ZNF316: variants seen among roughly 807,000 people sequenced by gnomAD.
ZNF316 encodes the protein zinc finger protein 316.
A neutral mutation model predicts 75.6 loss-of-function variants in ZNF316; 23 were observed. That is an observed-to-expected ratio of 0.30 (90% CI 0.22 to 0.43). The LOEUF (loss-of-function observed/expected upper bound fraction) is 0.43, where lower values mean the gene tolerates loss of function less well. Among genes scored for constraint, ZNF316 ranks in the 20% least tolerant of loss-of-function variants. ZNF316 has a pLI of 1.00. For synonymous variants in ZNF316, 827 were observed against 666.2 expected (o/e 1.24, Z -3.72); for missense variants, 1,266 against 1,409.4 (o/e 0.90, Z 1.63).
At chr7:6,644,746 A>G (rs1327535584) in intron 8 of ZNF316, among the ~76,000 whole-genome samples, 153 bp downstream of exon 8, 2 of 152,210 alleles carry the variant, frequency 1.3e-5, no homozygotes, top group African/African-American at 2.4e-5. Flanking sequence ...TTCAAGTTCC[A>G]GAAAGGTCCG....
In ZNF316 at chr7:6,652,982, C is replaced by G; in HGVS notation, c.1386C>G (p.Cys462Trp). 8.1e-7 allele frequency: 1 copy of G among 1,234,102 alleles called. No individual in the cohort carries two copies. Among genetic ancestry groups the G allele is most frequent in the Non-Finnish European group, 1.0e-6 (1 of 987,852 alleles). 76.4% of individuals were successfully genotyped at this position (1,234,102 alleles called of 1,614,324 possible). A position where few individuals can be genotyped will look rare whatever the true frequency, so the allele number is the denominator to read the frequency against. The change falls in exon 9 of 9, where the codon TGC becomes TGG. Residue 462 changes from cysteine (C) to tryptophan (W), a missense_variant. By Grantham distance (215) the Cys-to-Trp change is radical (BLOSUM62 -2). Coordinates refer to ENST00000382252, the MANE Select transcript of ZNF316 (RefSeq NM_001278559.2). Reference sequence around the variant, plus strand: ...AGCGACCCTACCCGTGTTCGCACTGCGGCCGCAGCTTCAGCCAGAGCTCGG... The same window carrying G: ...AGCGACCCTACCCGTGTTCGCACTGGGGCCGCAGCTTCAGCCAGAGCTCGG... ...TGERPYPCSH[C>W]GRSFSQSSAL...
intron 8 of ZNF316, among the ~76,000 whole-genome samples, chr7:6,649,296 C>T (rs1385644500): frequency 2.6e-5 from 4 of 152,290 alleles, no homozygotes; most frequent in East Asian, 3.9e-4. Context: ...CCCAGGGTCT[C>T]CTCTCCTCTG....
In ZNF316 at chr7:6,642,715, G is replaced by A; in HGVS notation, c.306G>A (p.Glu102=). 4.1e-6 allele frequency: 5 copies of A among 1,234,198 alleles called. No homozygotes were observed. Among genetic ancestry groups the A allele is most frequent in the Non-Finnish European group, 5.1e-6 (5 of 989,280 alleles). 76.5% of individuals were successfully genotyped at this position (1,234,198 alleles called of 1,614,324 possible). A position where few individuals can be genotyped will look rare whatever the true frequency, so the allele number is the denominator to read the frequency against. ...AGTGTCCGGCGTTGGGGACCCAGGA[G>A]CGACTTAGCCGTGGTGGTGATGCCA... ...EEECPALGTQ[E]RLSRGGDAKS... is the part of the protein sequence containing the mutation. The change falls in exon 5 of 9, where the codon GAG becomes GAA. Residue 102 remains glutamate, a synonymous_variant. Coordinates refer to ENST00000382252, the MANE Select transcript of ZNF316 (RefSeq NM_001278559.2). The surrounding 1 kb of genome is among the most constrained non-coding windows in gnomAD (Gnocchi z 8.1).
At chr7:6,638,245 G>A (rs1229922823) in intron 2 of ZNF316, among the ~76,000 whole-genome samples, 2 of 151,398 alleles carry the variant, frequency 1.3e-5, no homozygotes, top group African/African-American at 2.4e-5. Context: ...GCTACCCTGG[G>A]GAACCTGAGA....
intron 8 of ZNF316, among the ~76,000 whole-genome samples, chr7:6,651,377 G>A (rs185066639): frequency 1.3e-5 from 2 of 151,784 alleles, no homozygotes; most frequent in Admixed American, 1.3e-4. Flanking sequence ...AAAAAAGGCT[G>A]GGCGCGGTGG....
intron 8 of ZNF316, among the ~76,000 whole-genome samples, chr7:6,651,740 G>T (rs887217176): frequency 1.3e-5 from 2 of 152,224 alleles, no homozygotes; most frequent in African/African-American, 4.8e-5. Context: ...TCCAGCCTGG[G>T]TGACAGAGTG....
chr7:6,654,615 G>T lies in ZNF316; in HGVS notation c.*4G>T. 8.4e-7 allele frequency: 1 copy of T among 1,185,246 alleles called. No homozygotes were observed. The highest frequency in any genetic ancestry group is 1.0e-6 in the Non-Finnish European group (1 of 957,910). 73.4% of individuals were successfully genotyped at this position (1,185,246 alleles called of 1,614,324 possible). On this transcript the variant is annotated 3_prime_UTR_variant, in exon 9 of 9. Coordinates refer to ENST00000382252, the MANE Select transcript of ZNF316 (RefSeq NM_001278559.2). ...CTACCGGGAGGGCGTCCTGTGAGGG[G>T]CCCGGGGCCGACAGCAGCGCAGCCT...
chr7:6,653,564 C>G lies in ZNF316; in HGVS notation c.1968C>G (p.Gly656=). 2 of 1,133,794 alleles carry G rather than the reference C, an allele frequency of 1.8e-6. No homozygotes were observed. The highest frequency in any genetic ancestry group is 8.5e-5 in the South Asian group (2 of 23,450). 70.2% of individuals were successfully genotyped at this position (1,133,794 alleles called of 1,614,324 possible). ...TGLACDPFGG[G]GAAGGGGGLR... ...TGGCGTGCGACCCTTTCGGCGGCGG[C>G]GGGGCCGCGGGCGGCGGAGGCGGCC... The change falls in exon 9 of 9, where the codon GGC becomes GGG. Residue 656 remains glycine (G), a synonymous_variant. Coordinates refer to ENST00000382252, the MANE Select transcript of ZNF316 (RefSeq NM_001278559.2).
In ZNF316 at chr7:6,642,180, C is replaced by CCTTT; in HGVS notation, c.-28-199_-28-196dup. 2.6e-6 allele frequency: 1 copy of CCTTT among 388,076 alleles called. No individual in the cohort carries two copies. Among genetic ancestry groups the CCTTT allele is most frequent in the East Asian group, 3.7e-5 (1 of 27,264 alleles). 24.0% of individuals were successfully genotyped at this position (388,076 alleles called of 1,614,324 possible). A position where few individuals can be genotyped will look rare whatever the true frequency, so the allele number is the denominator to read the frequency against. Reference sequence around the variant, plus strand: ...TCACGCGGAGGGGCCATTGGGGCAGCCTTTCTGGGTACAGAATGTCTTGAT... The same window carrying CCTTT: ...TCACGCGGAGGGGCCATTGGGGCAGCCTTTCTTTCTGGGTACAGAATGTCTTGAT... On this transcript the variant is annotated intron_variant, in intron 4 of 8. Coordinates refer to ENST00000382252, the MANE Select transcript of ZNF316 (RefSeq NM_001278559.2). This position sits in a 1 kb window ranked among gnomAD's most constrained non-coding sequence, Gnocchi z 8.1.
In ZNF316 at chr7:6,652,305, G is replaced by A. The variant is rs1277214503; in HGVS notation, c.709G>A (p.Ala237Thr). Residue 237 changes from alanine (A) to threonine (T), a missense_variant and splice_region_variant, in exon 9 of 9, where the codon GCC (alanine) becomes ACC (threonine). This residue lies in a region of ZNF316 where 961 missense variants were observed against 990.9 expected (regional missense o/e 0.97). Coordinates refer to ENST00000382252, the MANE Select transcript of ZNF316 (RefSeq NM_001278559.2). Reference sequence around the variant, plus strand: ...TGGCCTGCCTTTGTCACCTTCAGGAGCCTGGTTCTGGACGGACGACATAGA... The same window carrying A: ...TGGCCTGCCTTTGTCACCTTCAGGAACCTGGTTCTGGACGGACGACATAGA... Reference protein sequence around the residue: ...GDIVTGVYTGAWFWTDDIEDH... With the variant: ...GDIVTGVYTGTWFWTDDIEDH... 3 of 1,232,336 alleles carry A rather than the reference G, an allele frequency of 2.4e-6. No homozygotes were observed. Among genetic ancestry groups the A allele is most frequent in the Non-Finnish European group, 3.0e-6 (3 of 988,076 alleles). The allele number at this position is 1,232,336 out of a possible 1,614,324, so 76.3% of individuals were successfully genotyped here.
At position 6,652,599 on chromosome 7, in the gene ZNF316, G is replaced by T. The variant is rs942328619; in HGVS notation, c.1003G>T (p.Ala335Ser). The T allele has an allele frequency of 9.4e-5, 116 of 1,230,416 alleles. No individual in the cohort carries two copies. Among genetic ancestry groups the T allele is most frequent in the Non-Finnish European group, 9.8e-5 (97 of 987,090 alleles). The allele number at this position is 1,230,416 out of a possible 1,614,324, so 76.2% of individuals were successfully genotyped here. The change falls in exon 9 of 9, where the codon GCA becomes TCA. Residue 335 changes from alanine (A) to serine (S), a missense_variant. By Grantham distance (99) the Ala-to-Ser change is moderately conservative. Coordinates refer to ENST00000382252, the MANE Select transcript of ZNF316 (RefSeq NM_001278559.2). ...NLLSPWAFPA[A>S]VAPPAGRPET... ...GCTGTCGCCCTGGGCGTTCCCCGCC[G>T]CAGTGGCCCCGCCGGCCGGGAGGCC... is the stretch of plus-strand genomic sequence containing the variant.
At chr7:6,643,723 C>A in intron 6 of ZNF316, 99 bp from the exon 7 acceptor site, 1 of 1,114,588 alleles carries the variant, frequency 9.0e-7, no homozygotes, top group Non-Finnish European at 1.1e-6. Context: ...GCATCTGTGT[C>A]CCCTGACACC....
In ZNF316 at chr7:6,654,338, C is replaced by A; in HGVS notation, c.2742C>A (p.Pro914=). The A allele has an allele frequency of 8.2e-7, 1 of 1,222,300 alleles. No homozygotes were observed. Among genetic ancestry groups the A allele is most frequent in the Non-Finnish European group, 1.0e-6 (1 of 981,588 alleles). The allele number at this position is 1,222,300 out of a possible 1,614,324, so 75.7% of individuals were successfully genotyped here. Reference sequence around the variant, plus strand: ...AGCGCACACATACGGGCGAGCGGCCCTACGCCTGCGCCAACTGCGGCCGCC... The same window carrying A: ...AGCGCACACATACGGGCGAGCGGCCATACGCCTGCGCCAACTGCGGCCGCC... The part of the protein sequence containing the change: ...THQRTHTGER[P]YACANCGRRF... The change falls in exon 9 of 9, where the codon CCC becomes CCA. Residue 914 remains proline, a synonymous_variant. Transcript: ENST00000382252.
rs1779335593 is a variant in ZNF316 at position 6,642,886 on chromosome 7, A to G, written c.356-78A>G. The G allele has an allele frequency of 1.6e-6, 2 of 1,232,092 alleles. No individual in the cohort carries two copies. Among genetic ancestry groups the G allele is most frequent in the African/African-American group, 1.6e-5 (1 of 64,374 alleles). 76.3% of individuals were successfully genotyped at this position (1,232,092 alleles called of 1,614,324 possible). On this transcript the variant is annotated intron_variant, in intron 5 of 8. Coordinates refer to ENST00000382252, the MANE Select transcript of ZNF316 (RefSeq NM_001278559.2). The surrounding 1 kb of genome is among the most constrained non-coding windows in gnomAD (Gnocchi z 8.1). Reference sequence around the variant, plus strand: ...GGTGGAGCTGAAACCCAGCTTTGCAATGAGGGTGTTGCCAGGGCTCCTGGC... The same window carrying G: ...GGTGGAGCTGAAACCCAGCTTTGCAGTGAGGGTGTTGCCAGGGCTCCTGGC...
Position 6,653,996 on chromosome 7 carries a change from G to A in ZNF316, c.2400G>A (p.Glu800=), listed in dbSNP as rs1779569396. Residue 800 remains glutamate (E), a synonymous_variant, in exon 9 of 9, where the codon GAG becomes GAA. Transcript: ENST00000382252. ...CGCACGGGCGCGCGCACACCGGGGA[G>A]CGGCCTTACGCGTGTGGAGAGTGCG... ...LTAHGRAHTG[E]RPYACGECGR... 1 of 1,183,486 alleles carries A rather than the reference G, an allele frequency of 8.4e-7. No individual in the cohort carries two copies. The highest frequency in any genetic ancestry group is 4.2e-5 in the South Asian group (1 of 24,054). 73.3% of individuals were successfully genotyped at this position (1,183,486 alleles called of 1,614,324 possible).
chr7:6,643,213 G>T lies in ZNF316; in HGVS notation c.465+140G>T, dbSNP rs573150844. On this transcript the variant is annotated intron_variant, in intron 6 of 8. Coordinates refer to ENST00000382252, the MANE Select transcript of ZNF316 (RefSeq NM_001278559.2). ...GGACCAGGCCCAGGCCCTGAGCTGG[G>T]AGTGGCCACAGGAAGCGGCTGGGTG... 2.5e-6 allele frequency: 3 copies of T among 1,187,960 alleles called. No individual in the cohort carries two copies. The East Asian group carries it at 9.6e-5, about 38-fold the overall frequency. The allele number at this position is 1,187,960 out of a possible 1,614,324, so 73.6% of individuals were successfully genotyped here.
chr7:6,653,983 C>T lies in ZNF316; in HGVS notation c.2387C>T (p.Ala796Val). 8.5e-7 allele frequency: 1 copy of T among 1,176,840 alleles called. No individual in the cohort carries two copies. The highest frequency in any genetic ancestry group is 1.0e-6 in the Non-Finnish European group (1 of 953,296). 72.9% of individuals were successfully genotyped at this position (1,176,840 alleles called of 1,614,324 possible). The change falls in exon 9 of 9, where the codon GCG (alanine) becomes GTG (valine). Residue 796 changes from alanine (A) to valine (V), a missense_variant. By Grantham distance (64) the Ala-to-Val change is moderately conservative. Coordinates refer to ENST00000382252, the MANE Select transcript of ZNF316 (RefSeq NM_001278559.2). ...RRAHLTAHGR[A>V]HTGERPYACG... Reference sequence around the variant, plus strand: ...GCGCACTTGACGGCGCACGGGCGCGCGCACACCGGGGAGCGGCCTTACGCG... The same window carrying T: ...GCGCACTTGACGGCGCACGGGCGCGTGCACACCGGGGAGCGGCCTTACGCG...
At chr7:6,643,152 G>T in intron 6 of ZNF316, 79 bp downstream of exon 6, 1 of 1,230,158 alleles carries the variant, frequency 8.1e-7, no homozygotes, top group African/African-American at 1.5e-5. Flanking sequence ...CTGTTTGGAG[G>T]CGTCTGTTGG....
intron 7 of ZNF316, 30 bp from the exon 8 acceptor site, chr7:6,644,450 G>T: frequency 8.3e-7 from 1 of 1,205,138 alleles, no homozygotes; most frequent in Non-Finnish European, 1.0e-6. Context: ...CACGGGAGCC[G>T]CCTGCAGCCG....
Sources: allele counts gnomAD v4.1 joint callset (sites outside exome capture counted in the v4.1 genomes callset), GRCh38; gene constraint gnomAD v4.1.1; regional missense constraint gnomAD v4.1.1; non-coding constraint Gnocchi (gnomAD v3.1); transcripts MANE v1.5; gene names NCBI Gene and HGNC (gene_info 2026-07-23, HGNC 2026-07-21).